The following KCTD5 variants were observed in gnomAD, a reference collection of about 807,000 sequenced individuals.
KCTD5 encodes potassium channel tetramerization domain containing 5.
A neutral mutation model predicts 27.9 loss-of-function variants in KCTD5; 12 were observed. The observed-to-expected ratio is 0.43, with a 90% CI of 0.28 to 0.70. The LOEUF is 0.70. KCTD5 is among the 30% of genes least tolerant of loss of function. KCTD5 has a pLI of 0.19. For missense variants in KCTD5, 226 were observed against 274.8 expected (o/e 0.82, Z 1.26); for synonymous variants, 147 against 121.4 (o/e 1.21, Z -1.39).
At chr16:2,705,506 G>C (rs762025258) in intron 5 of KCTD5, among the ~76,000 whole-genome samples, 16 of 152,172 alleles carry the variant, frequency 1.1e-4, no homozygotes, top group South Asian at 2.1e-4. Context: ...GCCCTAGTGG[G>C]TGACCTTCCT....
At chr16:2,699,799 C>T (rs751178907) in intron 3 of KCTD5, 22 bp from the exon 4 acceptor site, 1 of 1,610,792 alleles carries the variant, frequency 6.2e-7, no homozygotes, top group South Asian at 1.1e-5. Flanking sequence ...CCCGCCCTTA[C>T]CTGTGCCCAT....
chr16:2,690,230 G>A (rs563177430), intron 1 of KCTD5, among the ~76,000 whole-genome samples: 1 of 152,260 alleles, frequency 6.6e-6, no homozygotes, highest in African/African-American at 2.4e-5. Flanking sequence ...TCTGTCTGCG[G>A]AGTCTTCCTC....
Position 2,698,009 on chromosome 16 carries a change from G to A in KCTD5, c.453+12G>A. On this transcript the variant is annotated intron_variant, in intron 3 of 5. Coordinates refer to ENST00000301738, the MANE Select transcript of KCTD5 (RefSeq NM_018992.4). The stretch of plus-strand genomic sequence containing the variant: ...GCAAAACATCGCAGGTGAGACAAAT[G>A]ACTGAGGCTGGAAGCTTGTATGGCT... 6.3e-7 allele frequency: 1 copy of A among 1,588,998 alleles called. No homozygotes were observed.
chr16:2,701,472 G>A (rs755166283), intron 4 of KCTD5, among the ~76,000 whole-genome samples: 53 of 152,220 alleles, frequency 3.5e-4, no homozygotes, highest in South Asian at 1.2e-3. Context: ...CGGGGGGCAT[G>A]GCCGTGAGTG....
rs112121712 is a variant in KCTD5 at position 2,707,821 on chromosome 16, T to C, written c.*494T>C. On this transcript the variant is annotated 3_prime_UTR_variant, in exon 6 of 6. Coordinates refer to ENST00000301738, the MANE Select transcript of KCTD5 (RefSeq NM_018992.4). ...CCTCCCAGGCGGGATCGCTGGTTTC[T>C]CTCGACCTCGCAGAGCTCCTGACAA... is the stretch of plus-strand genomic sequence containing the variant. The C allele has an allele frequency of 9.0e-5, 21 of 233,798 alleles. No homozygotes were observed. The highest frequency in any genetic ancestry group is 4.7e-4 in the African/African-American group (21 of 44,608). The allele number at this position is 233,798 out of a possible 1,614,324, so 14.5% of individuals were successfully genotyped here. A position where few individuals can be genotyped will look rare whatever the true frequency, so the allele number is the denominator to read the frequency against.
chr16:2,690,506 C>T (rs1444027599), intron 1 of KCTD5, among the ~76,000 whole-genome samples: 1 of 152,258 alleles, frequency 6.6e-6, no homozygotes, highest in Non-Finnish European at 1.5e-5. Context: ...GTCAATAAAA[C>T]AGTCTTAATT....
chr16:2,702,438 C>G lies in KCTD5; in HGVS notation c.635C>G (p.Thr212Ser). The change falls in exon 5 of 6, where the codon ACC (threonine) becomes AGC (serine). Residue 212 changes from threonine (T) to serine (S), a missense_variant. Thr to Ser is a moderately conservative substitution (Grantham distance 58). This residue lies in a region of KCTD5 where 135 missense variants were observed against 207.0 expected (regional missense o/e 0.65). Transcript: ENST00000301738. ...GTGGTGTCCAAGGAGCTGCACAACA[C>G]CCCGTACGGTACGGCCAGCGAGCCC... ...LCVVSKELHNTPYGTASEPSE... is the reference protein window; with the variant it reads ...LCVVSKELHNSPYGTASEPSE... 6.2e-7 allele frequency: 1 copy of G among 1,613,354 alleles called. No individual in the cohort carries two copies. The highest frequency in any genetic ancestry group is 8.5e-7 in the Non-Finnish European group (1 of 1,179,968).
In KCTD5 at chr16:2,699,873, C is replaced by T; in HGVS notation, c.506C>T (p.Thr169Met). The T allele has an allele frequency of 1.2e-6, 2 of 1,613,920 alleles. No individual in the cohort carries two copies. The highest frequency in any genetic ancestry group is 1.3e-5 in the African/African-American group (1 of 75,048). Residue 169 changes from threonine to methionine, a missense_variant, in exon 4 of 6, where the codon ACG (threonine) becomes ATG (methionine). By Grantham distance (81) the Thr-to-Met change is moderately conservative (BLOSUM62 -1). Transcript: ENST00000301738. ...RVLQCQEEEL[T>M]QMVSTMSDGW... ...CTGCAGTGCCAGGAGGAGGAGCTCA[C>T]GCAGATGGTGTCCACCATGTCCGAC... is the stretch of plus-strand genomic sequence containing the variant.
chr16:2,698,118 G>C, intron 3 of KCTD5, 121 bp downstream of exon 3: 1 of 676,326 alleles, frequency 1.5e-6, no homozygotes, highest in Non-Finnish European at 2.6e-6. Context: ...CCTACCCTGA[G>C]ACCCTTGTCC....
chr16:2,705,206 GCCT>G (rs1443748086), intron 5 of KCTD5, among the ~76,000 whole-genome samples: 1 of 152,130 alleles, frequency 6.6e-6, no homozygotes, highest in Non-Finnish European at 1.5e-5. Flanking sequence ...GAGCTCCGTG[GCCT>G]CCTTGACCCC....
At chr16:2,691,996 G>C (rs149684952) in intron 1 of KCTD5, among the ~76,000 whole-genome samples, 1 of 152,132 alleles carries the variant, frequency 6.6e-6, no homozygotes, top group South Asian at 2.1e-4. Context: ...AGGTGCGTCC[G>C]GGGGCTTCCT....
At chr16:2,698,506 G>T (rs1467301275) in intron 3 of KCTD5, among the ~76,000 whole-genome samples, 1 of 152,220 alleles carries the variant, frequency 6.6e-6, no homozygotes, top group African/African-American at 2.4e-5. Context: ...GGGGAGCCCA[G>T]GTTGTTGGTG....
intron 5 of KCTD5, among the ~76,000 whole-genome samples, chr16:2,705,622 A>T (rs537561312): frequency 6.6e-6 from 1 of 152,226 alleles, no homozygotes; most frequent in South Asian, 2.1e-4. Flanking sequence ...GATGCGCTTA[A>T]GCCTCCCAGG....
At chr16:2,685,922 T>G (rs2067538350) in intron 1 of KCTD5, 1 of 151,904 alleles carries the variant, frequency 6.6e-6, no homozygotes. Context: ...GTGGGGAGAT[T>G]TAAGGGGGAG....
At chr16:2,687,397 C>A (rs917756434) in intron 1 of KCTD5, among the ~76,000 whole-genome samples, 9 of 152,368 alleles carry the variant, frequency 5.9e-5, no homozygotes, top group African/African-American at 2.2e-4. Flanking sequence ...AATGCTGTCG[C>A]TGCAGGGCAG....
In KCTD5 at chr16:2,682,676, C is replaced by A; in HGVS notation, c.128C>A (p.Ser43Tyr). The change falls in exon 1 of 6, where the codon TCC becomes TAC. Residue 43 changes from serine to tyrosine, a missense_variant. By Grantham distance (144) the Ser-to-Tyr change is moderately radical. Coordinates refer to ENST00000301738, the MANE Select transcript of KCTD5 (RefSeq NM_018992.4). The stretch of plus-strand genomic sequence containing the variant: ...CTGGCCCAGCGCCCTGGCAGCGTGT[C>A]CAAGTGGGTCCGACTCAACGTCGGC... ...GALAQRPGSV[S>Y]KWVRLNVGGT... is the part of the protein sequence containing the mutation. 2 of 1,608,264 alleles carry A rather than the reference C, an allele frequency of 1.2e-6. No individual in the cohort carries two copies. Among genetic ancestry groups the A allele is most frequent in the Admixed American group, 1.7e-5 (1 of 59,660 alleles).
intron 3 of KCTD5, among the ~76,000 whole-genome samples, 158 bp downstream of exon 3, chr16:2,698,155 C>T (rs576253982): frequency 6.6e-6 from 1 of 152,344 alleles, no homozygotes; most frequent in African/African-American, 2.4e-5. Context: ...TGCCTGCCAG[C>T]TCCGTCTACC....
In KCTD5 at chr16:2,708,007, G is replaced by C. The variant is rs1161584076; in HGVS notation, c.*680G>C. Reference sequence around the variant, plus strand: ...TTTGTACCCCTTCTCTGTGTGGATAGACTCCCCAGCGTTTTTCCTCTGGAA... The same window carrying C: ...TTTGTACCCCTTCTCTGTGTGGATACACTCCCCAGCGTTTTTCCTCTGGAA... On this transcript the variant is annotated 3_prime_UTR_variant, in exon 6 of 6. Coordinates refer to ENST00000301738, the MANE Select transcript of KCTD5 (RefSeq NM_018992.4). 1 of 153,740 alleles carries C rather than the reference G, an allele frequency of 6.5e-6. No homozygotes were observed. Among genetic ancestry groups the C allele is most frequent in the Non-Finnish European group, 1.4e-5 (1 of 69,008 alleles). The allele number at this position is 153,740 out of a possible 1,614,324, so 9.5% of individuals were successfully genotyped here.
At chr16:2,684,990 A>G (rs2067534555) in intron 1 of KCTD5, among the ~76,000 whole-genome samples, 1 of 152,182 alleles carries the variant, frequency 6.6e-6, no homozygotes, top group South Asian at 2.1e-4. Context: ...AGCGAGGGGT[A>G]ATTAATCTTT....
Sources: gnomAD v4.1 joint callset for allele counts (sites outside exome capture counted in the v4.1 genomes callset) on GRCh38, gnomAD v4.1.1 for gene constraint, gnomAD v4.1.1 regional missense constraint, MANE v1.5 for transcripts, NCBI Gene and HGNC (gene_info 2026-07-23, HGNC 2026-07-21) for gene names.